The following LIPH variants were observed in gnomAD, a reference collection of about 807,000 sequenced individuals.
LIPH encodes the protein lipase member H.
LIPH carries 32 observed loss-of-function variants against 47.6 expected under a neutral mutation model. The ratio of observed to expected loss-of-function variants is 0.67; its 90% CI spans 0.51 to 0.90. The LOEUF (loss-of-function observed/expected upper bound fraction) is 0.90. LIPH is among the 40% of genes least tolerant of loss of function. The probability of loss-of-function intolerance (pLI) is 0.00; values close to 1 mark genes in which losing one functional copy is unlikely to be tolerated. For synonymous variants in LIPH, 190 were observed against 195.6 expected, an observed-to-expected ratio of 0.97 and a Z score of 0.24; for missense variants, 497 against 541.4, an observed-to-expected ratio of 0.92 and a Z score of 0.81.
chr3:185,511,332 T>C (rs1262476945), intron 9 of LIPH, among the ~76,000 whole-genome samples, 192 bp downstream of exon 9: 1 of 152,066 alleles, frequency 6.6e-6, no homozygotes, highest in Non-Finnish European at 1.5e-5. Flanking sequence ...CCCAAAGTGC[T>C]GAGATTATAG....
At position 185,533,551 on chromosome 3, in the gene LIPH, G is replaced by T. The variant is rs774358546; in HGVS notation, c.526+20C>A. 6.6e-7 allele frequency: 1 copy of T among 1,516,630 alleles called. No individual in the cohort carries two copies. Among genetic ancestry groups the T allele is most frequent in the Non-Finnish European group, 9.2e-7 (1 of 1,090,914 alleles). The allele number at this position is 1,516,630 out of a possible 1,614,324, so 93.9% of individuals were successfully genotyped here. A position where few individuals can be genotyped will look rare whatever the true frequency, so the allele number is the denominator to read the frequency against. On this transcript the variant is annotated intron_variant, in intron 3 of 9. Coordinates refer to ENST00000296252, the MANE Select transcript of LIPH (RefSeq NM_139248.3). ...CACCCTGCCCAGGCTACCAACCCATGCCCATTCACAGGCACTTACCTGTAA... is the reference window on the plus strand; with the variant it reads ...CACCCTGCCCAGGCTACCAACCCATTCCCATTCACAGGCACTTACCTGTAA...
rs1287841272 is a variant in LIPH at position 185,524,137 on chromosome 3, C to T, written c.652G>A (p.Gly218Arg). 1 of 1,612,754 alleles carries T rather than the reference C, an allele frequency of 6.2e-7. No homozygotes were observed. Among genetic ancestry groups the T allele is most frequent in the Admixed American group, 1.7e-5 (1 of 60,016 alleles). ...CCATTTGGGTAGAAGTCTATGTTTC[C>T]TAATGGCTCCTTGTAGCCCAGTGCT... ...TDALGYKEPL[G>R]NIDFYPNGGL... The change falls in exon 5 of 10, where the codon GGA becomes AGA. Residue 218 changes from glycine to arginine, a missense_variant. Physicochemically the swap from Gly to Arg is moderately radical, Grantham distance 125. Coordinates refer to ENST00000296252, the MANE Select transcript of LIPH (RefSeq NM_139248.3).
chr3:185,537,314 AAGG>A (rs970935822), intron 1 of LIPH, among the ~76,000 whole-genome samples: 2 of 152,126 alleles, frequency 1.3e-5, no homozygotes, highest in African/African-American at 4.8e-5. Flanking sequence ...AAAAAAAGTT[AAGG>A]AGGCTTTGAA....
intron 6 of LIPH, among the ~76,000 whole-genome samples, chr3:185,518,871 C>T (rs764267195): frequency 1.5e-4 from 23 of 151,858 alleles, no homozygotes; most frequent in Non-Finnish European, 2.9e-4. Context: ...ACTACAGGCA[C>T]GCACCACCAC....
chr3:185,531,896 G>A (rs1354302386), intron 3 of LIPH, among the ~76,000 whole-genome samples: 1 of 152,076 alleles, frequency 6.6e-6, no homozygotes, highest in African/African-American at 2.4e-5. Context: ...CTTGAGTGCA[G>A]TGGCACGATC....
intron 1 of LIPH, among the ~76,000 whole-genome samples, chr3:185,541,756 A>AT (rs769934736): frequency 1.6e-3 from 203 of 124,384 alleles, no homozygotes; most frequent in African/African-American, 4.2e-3. Context: ...TTATTTATTT[A>AT]TTATTATTTT....
chr3:185,527,467 A>C lies in LIPH; in HGVS notation c.628+17T>G. ...GAGCCTGGCGGTGTCACTGACCCACAAGGAAAGGAGCGTTACCATCAGTGT... is the reference window on the plus strand; with the variant it reads ...GAGCCTGGCGGTGTCACTGACCCACCAGGAAAGGAGCGTTACCATCAGTGT... On this transcript the variant is annotated intron_variant, in intron 4 of 9. Coordinates refer to ENST00000296252, the MANE Select transcript of LIPH (RefSeq NM_139248.3). The C allele has an allele frequency of 6.4e-7, 1 of 1,567,342 alleles. No individual in the cohort carries two copies. Among genetic ancestry groups the C allele is most frequent in the Non-Finnish European group, 8.8e-7 (1 of 1,138,236 alleles).
Position 185,508,763 on chromosome 3 carries a change from AT to A in LIPH, c.*26del. On this transcript the variant is annotated 3_prime_UTR_variant, in exon 10 of 10. Transcript: ENST00000296252. ...CTGTGGTTGTAGCTTTCTTTCTATT[AT>A]TTATGGCCATGTGTCCTGGCAACAG... 1 of 1,494,452 alleles carries A rather than the reference AT, an allele frequency of 6.7e-7. No individual in the cohort carries two copies. The highest frequency in any genetic ancestry group is 9.3e-7 in the Non-Finnish European group (1 of 1,070,906). The allele number at this position is 1,494,452 out of a possible 1,614,324, so 92.6% of individuals were successfully genotyped here. A position where few individuals can be genotyped will look rare whatever the true frequency, so the allele number is the denominator to read the frequency against.
At chr3:185,544,918 C>T (rs1720822421) in intron 1 of LIPH, among the ~76,000 whole-genome samples, 1 of 144,716 alleles carries the variant, frequency 6.9e-6, no homozygotes, top group Admixed American at 7.0e-5. Flanking sequence ...GTGCAAGCCA[C>T]CACACCCGGC....
rs1560153185 is a variant in LIPH, at chr3:185,508,865, A to G, written c.1281T>C (p.Cys427=). ...TTTCCATCAGGACAAGATCATACCG[A>G]CACAGCTGAGGCCTGGGAAAATAAG... ...SLAHPERPQL[C]RYDLVLMENV... is the part of the protein sequence containing the mutation. The change falls in exon 10 of 10, where the codon TGT becomes TGC. Residue 427 remains cysteine (C), a synonymous_variant. Coordinates refer to ENST00000296252, the MANE Select transcript of LIPH (RefSeq NM_139248.3). The G allele has an allele frequency of 5.6e-6, 9 of 1,612,166 alleles. No homozygotes were observed. Among genetic ancestry groups the G allele is most frequent in the Non-Finnish European group, 5.1e-6 (6 of 1,178,204 alleles).
chr3:185,546,881 T>A (rs1413052513), intron 1 of LIPH: 3 of 450,730 alleles, frequency 6.7e-6, no homozygotes, highest in East Asian at 7.0e-5. Context: ...TTCTACCTCA[T>A]TTTGGAGGAA....
intron 8 of LIPH, among the ~76,000 whole-genome samples, chr3:185,514,108 AAGG>A (rs1430459894): frequency 5.3e-5 from 8 of 152,264 alleles, no homozygotes; most frequent in African/African-American, 1.9e-4. Context: ...CAAAGGAAGT[AAGG>A]AGGAGAGGAA....
At chr3:185,541,985 G>A (rs1436601412) in intron 1 of LIPH, among the ~76,000 whole-genome samples, 3 of 151,890 alleles carry the variant, frequency 2.0e-5, no homozygotes, top group African/African-American at 7.3e-5. Flanking sequence ...TCGAACTCCC[G>A]ACCTCAGGTG....
intron 3 of LIPH, 78 bp from the exon 4 acceptor site, chr3:185,527,663 G>T: frequency 1.1e-6 from 1 of 947,720 alleles, no homozygotes; most frequent in Non-Finnish European, 1.7e-6. Context: ...TTCTGGATGA[G>T]GGTGGCTCCC....
chr3:185,509,595 T>TGG (rs1413420920), intron 9 of LIPH, among the ~76,000 whole-genome samples: 108 of 152,288 alleles, frequency 7.1e-4, no homozygotes, highest in African/African-American at 2.5e-3. Flanking sequence ...GCGCTACTAC[T>TGG]GTACTCCAGC....
intron 7 of LIPH, among the ~76,000 whole-genome samples, chr3:185,515,467 C>T (rs75018479): frequency 2.6e-5 from 4 of 151,884 alleles, no homozygotes; most frequent in Admixed American, 2.6e-4. Context: ...AAATCCTGGG[C>T]TGCCACACAT....
intron 1 of LIPH, among the ~76,000 whole-genome samples, chr3:185,538,833 AT>A (rs1720597504): frequency 1.7e-5 from 1 of 59,106 alleles, no homozygotes; most frequent in Admixed American, 2.1e-4. Flanking sequence ...ATATACATAT[AT>A]ACATATATAC....
At chr3:185,548,116 A>C (rs1720935915) in intron 1 of LIPH, among the ~76,000 whole-genome samples, 1 of 152,128 alleles carries the variant, frequency 6.6e-6, no homozygotes, top group South Asian at 2.1e-4. Flanking sequence ...GTATTAGAAA[A>C]TGAGTTGGGG....
chr3:185,521,242 T>G (rs1240225353), intron 5 of LIPH, among the ~76,000 whole-genome samples: 1 of 152,212 alleles, frequency 6.6e-6, no homozygotes, highest in Non-Finnish European at 1.5e-5. Flanking sequence ...CCTATTTAGT[T>G]CACCATGGTA....
Sources: allele counts gnomAD v4.1 joint callset (sites outside exome capture counted in the v4.1 genomes callset), GRCh38; gene constraint gnomAD v4.1.1; transcripts MANE v1.5; gene names NCBI Gene and HGNC (gene_info 2026-07-23, HGNC 2026-07-21).